Variants in TNR observed in about 807,000 individuals in gnomAD.
TNR encodes the protein tenascin R, also known as tenascin-R.
A neutral mutation model predicts 150.4 loss-of-function variants in TNR; 45 were observed. The observed-to-expected ratio is 0.30, with a 90% CI of 0.24 to 0.38. The LOEUF (loss-of-function observed/expected upper bound fraction) is 0.38, where lower values mean the gene tolerates loss of function less well. Among genes scored for constraint, TNR ranks in the 10% least tolerant of loss-of-function variants. TNR has a pLI of 1.00. For missense variants in TNR, 1,544 were observed against 1,759.1 expected, an observed-to-expected ratio of 0.88 and a Z score of 2.19; for synonymous variants, 687 against 678.4, an observed-to-expected ratio of 1.01 and a Z score of -0.20.
chr1:175,514,835 C>CGGG (rs747237373), intron 2 of TNR, among the ~76,000 whole-genome samples: 1 of 152,172 alleles, frequency 6.6e-6, no homozygotes, highest in African/African-American at 2.4e-5. Context: ...GTGTGCAGAG[C>CGGG]GGGGGAGATT....
chr1:175,579,427 G>A (rs956765641), intron 1 of TNR, among the ~76,000 whole-genome samples: 3 of 151,986 alleles, frequency 2.0e-5, no homozygotes, highest in Non-Finnish European at 4.4e-5. Flanking sequence ...GGTTCAATAC[G>A]GAAGATAGGT....
chr1:175,610,815 G>A (rs552257540), intron 1 of TNR, among the ~76,000 whole-genome samples: 1 of 152,338 alleles, frequency 6.6e-6, no homozygotes, highest in African/African-American at 2.4e-5. Flanking sequence ...CATAGACCAT[G>A]CCCTCTAACT....
intron 1 of TNR, among the ~76,000 whole-genome samples, chr1:175,609,055 G>A (rs1663510539): frequency 6.6e-6 from 1 of 152,214 alleles, no homozygotes. Flanking sequence ...TGAGAAGTGT[G>A]GTAGTGGTTC....
chr1:175,341,822 G>T (rs1650535875), intron 18 of TNR, among the ~76,000 whole-genome samples: 2 of 152,204 alleles, frequency 1.3e-5, no homozygotes, highest in South Asian at 2.1e-4. Context: ...GCCACCTCTG[G>T]TTATCAACAC....
intron 1 of TNR, among the ~76,000 whole-genome samples, chr1:175,627,551 A>T (rs1267082586): frequency 6.6e-6 from 1 of 152,256 alleles, no homozygotes; most frequent in Admixed American, 6.5e-5. Flanking sequence ...TCATCTGGTA[A>T]AAATGGCATA....
chr1:175,729,994 A>G lies in TNR; in HGVS notation c.-165+13232T>C, dbSNP rs1667592272. Among the ~76,000 whole-genome samples the G allele has an allele frequency of 2.0e-5, 3 of 152,326 alleles. No homozygotes were observed. The South Asian group carries it at 6.2e-4, about 32-fold the overall frequency. Reference sequence around the variant, plus strand: ...GAAAGAGGCAACAAGCTTGCATCCTACAACATAGCTTAAGATCTCATGCCT... The same window carrying G: ...GAAAGAGGCAACAAGCTTGCATCCTGCAACATAGCTTAAGATCTCATGCCT... On this transcript the variant is annotated intron_variant, in intron 1 of 22. Coordinates refer to ENST00000367674, the MANE Select transcript of TNR (RefSeq NM_003285.3).
At chr1:175,696,325 A>G (rs1368711198) in intron 1 of TNR, among the ~76,000 whole-genome samples, 1 of 147,312 alleles carries the variant, frequency 6.8e-6, no homozygotes, top group Non-Finnish European at 1.5e-5. Context: ...TGGGAGTGCC[A>G]TTCCTCCTTT....
Position 175,653,818 on chromosome 1 carries a change from A to G in TNR, c.-165+89408T>C, listed in dbSNP as rs115774161. Among the ~76,000 whole-genome samples, 450 of 152,334 alleles carry G rather than the reference A, an allele frequency of 3.0e-3. 6 individuals are homozygous for G. The highest frequency in any genetic ancestry group is 0.01 in the African/African-American group (425 of 41,584). ...GCAAATTAACAGACTATCACATTAA[A>G]TTGATGCTATTAACTTGAATGTGGG... On this transcript the variant is annotated intron_variant, in intron 1 of 22. Transcript: ENST00000367674.
chr1:175,539,271 G>C (rs989170844), intron 1 of TNR: 5 of 152,240 alleles, frequency 3.3e-5, no homozygotes, highest in African/African-American at 1.2e-4. Flanking sequence ...GCTAAAAATT[G>C]CTGGAGGCAA....
rs142934156 is a variant in TNR at position 175,330,199 on chromosome 1, C to T, written c.3668G>A (p.Arg1223His). The change falls in exon 21 of 23, where the codon CGC becomes CAC. Residue 1223 changes from arginine to histidine, a missense_variant. Physicochemically the swap from Arg to His is conservative, Grantham distance 29. Coordinates refer to ENST00000367674, the MANE Select transcript of TNR (RefSeq NM_003285.3). Reference protein sequence around the residue: ...DNIHRITSQGRYELRVDMRDG... With the variant: ...DNIHRITSQGHYELRVDMRDG... ...CCGCATGTCCACGCGCAGCTCATAG[C>T]GGCCCTGGGATGTGATCCTGTGTAT... 3.2e-5 allele frequency: 52 copies of T among 1,610,244 alleles called. No homozygotes were observed. Among genetic ancestry groups the T allele is most frequent in the African/African-American group, 8.0e-5 (6 of 74,884 alleles).
At chr1:175,609,597 T>C (rs1440657161) in intron 1 of TNR, among the ~76,000 whole-genome samples, 1 of 152,220 alleles carries the variant, frequency 6.6e-6, no homozygotes, top group Non-Finnish European at 1.5e-5. Flanking sequence ...GATGCCCCTG[T>C]ACTCTTGGAC....
intron 1 of TNR, among the ~76,000 whole-genome samples, chr1:175,575,105 C>A (rs1365892216): frequency 2.0e-5 from 3 of 152,186 alleles, no homozygotes; most frequent in Non-Finnish European, 4.4e-5. Context: ...GGCCATGTGG[C>A]TTGTGAGTGG....
At chr1:175,640,246 G>C (rs1355948409) in intron 1 of TNR, among the ~76,000 whole-genome samples, 1 of 152,222 alleles carries the variant, frequency 6.6e-6, no homozygotes, top group East Asian at 1.9e-4. Context: ...GAGTATCCAA[G>C]TCTTCAAATT....
At position 175,403,478 on chromosome 1, in the gene TNR, A is replaced by AC; in HGVS notation, c.637dup (p.Val213GlyfsTer10). On this transcript the variant is annotated frameshift_variant, in exon 4 of 23. Coordinates refer to ENST00000367674, the MANE Select transcript of TNR (RefSeq NM_003285.3). LOFTEE classifies it high-confidence loss of function. ...ACAGATGCACTGGCCATCCACACACACCCCCCGGCTGGAGCAACCCAGCGG... is the reference window on the plus strand; with the variant it reads ...ACAGATGCACTGGCCATCCACACACACCCCCCCGGCTGGAGCAACCCAGCGG... 1 of 1,613,074 alleles carries AC rather than the reference A, an allele frequency of 6.2e-7. No individual in the cohort carries two copies. Among genetic ancestry groups the AC allele is most frequent in the Non-Finnish European group, 8.5e-7 (1 of 1,179,812 alleles).
chr1:175,445,085 A>G (rs1473004691), intron 2 of TNR, among the ~76,000 whole-genome samples: 1 of 152,200 alleles, frequency 6.6e-6, no homozygotes, highest in Non-Finnish European at 1.5e-5. Context: ...CCTAGCTAAC[A>G]CGGTGAAACC....
At chr1:175,389,746 G>C (rs1054385800) in intron 7 of TNR, among the ~76,000 whole-genome samples, 1 of 152,140 alleles carries the variant, frequency 6.6e-6, no homozygotes, top group Admixed American at 6.5e-5. Flanking sequence ...GTGAGCAAGG[G>C]CATCACACCT....
intron 1 of TNR, among the ~76,000 whole-genome samples, chr1:175,738,178 T>C (rs896200496): frequency 6.6e-6 from 1 of 152,124 alleles, no homozygotes; most frequent in Non-Finnish European, 1.5e-5. Context: ...CATGGGAGTG[T>C]CATGACAAGA....
At chr1:175,386,572 G>A (rs1190845971) in intron 7 of TNR, among the ~76,000 whole-genome samples, 3 of 152,264 alleles carry the variant, frequency 2.0e-5, no homozygotes, top group East Asian at 1.9e-4. Flanking sequence ...TCTGGGCAGG[G>A]GAAGGGCACT....
At chr1:175,735,602 T>C (rs1318127564) in intron 1 of TNR, among the ~76,000 whole-genome samples, 1 of 152,188 alleles carries the variant, frequency 6.6e-6, no homozygotes, top group Non-Finnish European at 1.5e-5. Flanking sequence ...CAAAGTAATC[T>C]ATATAAACTC....
Sources: gnomAD v4.1 joint callset for allele counts (sites outside exome capture counted in the v4.1 genomes callset) on GRCh38, gnomAD v4.1.1 for gene constraint, MANE v1.5 for transcripts, NCBI Gene and HGNC (gene_info 2026-07-23, HGNC 2026-07-21) for gene names.